Variants in CRLF2 observed in about 807,000 individuals in gnomAD.
CRLF2 encodes cytokine receptor like factor 2, also known as cytokine receptor-like factor 2.
Under a neutral mutation model 38.7 loss-of-function variants are expected in CRLF2, and 41 were observed. The observed-to-expected ratio is 1.06, with a 90% CI of 0.83 to 1.37. The LOEUF (loss-of-function observed/expected upper bound fraction) is 1.37. Ranked by LOEUF, CRLF2 falls within the 40% of genes most tolerant of loss-of-function variation. CRLF2 has a pLI of 0.00. For missense variants in CRLF2, 377 were observed against 322.2 expected, an observed-to-expected ratio of 1.17 and a Z score of -1.30; for synonymous variants, 140 against 128.8, an observed-to-expected ratio of 1.09 and a Z score of -0.59.
At chrX:1,198,191 GGC>G in intron 5 of CRLF2, among the ~76,000 whole-genome samples, 4 of 129,518 alleles carry the variant, frequency 3.1e-5, no homozygotes, top group Admixed American at 7.6e-5. Flanking sequence ...CTCCCAGGAA[GGC>G]AGGACACCCT....
rs1414242106 is a variant in CRLF2 at position 1,212,610 on chromosome X, C to T, written c.25G>A (p.Gly9Arg). 7 of 1,612,538 alleles carry T rather than the reference C, an allele frequency of 4.3e-6. No homozygotes were observed. The highest frequency in any genetic ancestry group is 5.9e-6 in the Non-Finnish European group (7 of 1,179,264). The change falls in exon 1 of 8, where the codon GGA becomes AGA. Residue 9 changes from glycine to arginine, a missense_variant. Transcript: ENST00000400841. The stretch of plus-strand genomic sequence containing the variant: ...CCTCCCAGCAGAAAGACGGCAGCTC[C>T]CCACAGCAGAACCAGCCGCCCCATG... MGRLVLLW[G>R]AAVFLLGGWM...
intron 3 of CRLF2, among the ~76,000 whole-genome samples, chrX:1,206,126 G>T: frequency 6.6e-6 from 1 of 152,028 alleles, no homozygotes; most frequent in Non-Finnish European, 1.5e-5. Flanking sequence ...CGGTAATCAT[G>T]GATCCGACGA....
At position 1,196,741 on chromosome X, in the gene CRLF2, C is replaced by G. The variant is rs376608081; in HGVS notation, c.767+39G>C. 108 of 1,607,152 alleles carry G rather than the reference C, an allele frequency of 6.7e-5. 1 individual carries two copies. Among genetic ancestry groups the G allele is most frequent in the Middle Eastern group, 3.5e-4 (2 of 5,754 alleles). ...TCGTACTTCACAGACATTGTGCAAG[C>G]AGGTCCCTCCACCCACGGGCGGCAG... On this transcript the variant is annotated intron_variant, in intron 6 of 7. Transcript: ENST00000400841.
At chrX:1,211,337 GTGGGTGGA>G (rs1321139962) in intron 1 of CRLF2, among the ~76,000 whole-genome samples, 24 of 101,822 alleles carry the variant, frequency 2.4e-4, no homozygotes, top group Non-Finnish European at 3.6e-4. Context: ...GGATGTATTG[GTGGGTGGA>G]TGGGTGGATG....
At position 1,196,843 on chromosome X, in the gene CRLF2, A is replaced by G. The variant is rs2086486879; in HGVS notation, c.704T>C (p.Ile235Thr). The G allele has an allele frequency of 1.9e-6, 3 of 1,613,562 alleles. No individual in the cohort carries two copies. Among genetic ancestry groups the G allele is most frequent in the African/African-American group, 1.3e-5 (1 of 74,896 alleles). ...CATCAGAAGGATGGCCAGGCTGGAA[A>G]TTAAAATAAATTTGGACAGCTTTGG... ...PKPKLSKFIL[I>T]SSLAILLMVS... The change falls in exon 6 of 8, where the codon ATT becomes ACT. Residue 235 changes from isoleucine to threonine, a missense_variant. By Grantham distance (89) the Ile-to-Thr change is moderately conservative. Transcript: ENST00000400841.
chrX:1,192,572 A>C (rs1415301202), intron 7 of CRLF2, among the ~76,000 whole-genome samples: 3 of 151,692 alleles, frequency 2.0e-5, no homozygotes, highest in Non-Finnish European at 2.9e-5. Flanking sequence ...GCCGAGATCA[A>C]ACCATTTTTC....
chrX:1,205,136 T>C (rs2086669982), intron 3 of CRLF2, among the ~76,000 whole-genome samples: 1 of 151,686 alleles, frequency 6.6e-6, no homozygotes, highest in Non-Finnish European at 1.5e-5. Flanking sequence ...CTTTAATTCA[T>C]TCCCTTAAAT....
At chrX:1,207,389 G>A (rs2086710074) in intron 2 of CRLF2, among the ~76,000 whole-genome samples, 1 of 151,922 alleles carries the variant, frequency 6.6e-6, no homozygotes, top group Non-Finnish European at 1.5e-5. Context: ...CCAAGTTGCT[G>A]GGATTACAGG....
Position 1,191,150 on chromosome X carries a change from G to C in CRLF2, c.863C>G (p.Thr288Arg). ...IHQGNFQEWI[T>R]DTQNVAHLHK... ...GAGGTGGGCCACGTTCTGGGTGTCTGTGATCCACTCCTACCAGGAAGAACA... is the reference window on the plus strand; with the variant it reads ...GAGGTGGGCCACGTTCTGGGTGTCTCTGATCCACTCCTACCAGGAAGAACA... The change falls in exon 8 of 8, where the codon ACA becomes AGA. Residue 288 changes from threonine (T) to arginine (R), a missense_variant. Coordinates refer to ENST00000400841, the MANE Select transcript of CRLF2 (RefSeq NM_022148.4). 1 of 398,736 alleles carries C rather than the reference G, an allele frequency of 2.5e-6. No individual in the cohort carries two copies. The highest frequency in any genetic ancestry group is 3.6e-5 in the East Asian group (1 of 28,072). 24.7% of individuals were successfully genotyped at this position (398,736 alleles called of 1,614,324 possible).
At position 1,197,647 on chromosome X, in the gene CRLF2, C is replaced by T. The variant is rs183264124; in HGVS notation, c.647-747G>A. Among the ~76,000 whole-genome samples the T allele has an allele frequency of 4.2e-4, 64 of 151,896 alleles. 1 individual carries two copies. The highest frequency in any genetic ancestry group is 3.4e-3 in the Middle Eastern group (1 of 294). Reference sequence around the variant, plus strand: ...TGGCCAATATGGGGAAACGCCATCCCTACTAAAAATACAAACATTAGGCGG... The same window carrying T: ...TGGCCAATATGGGGAAACGCCATCCTTACTAAAAATACAAACATTAGGCGG... On this transcript the variant is annotated intron_variant, in intron 5 of 7. Coordinates refer to ENST00000400841, the MANE Select transcript of CRLF2 (RefSeq NM_022148.4).
intron 3 of CRLF2, among the ~76,000 whole-genome samples, chrX:1,202,738 T>G (rs1238852159): frequency 1.3e-5 from 2 of 152,030 alleles, no homozygotes; most frequent in African/African-American, 4.8e-5. Context: ...GAAGGAACTC[T>G]CTAAAATTCT....
In CRLF2 at chrX:1,208,887, A is replaced by G. The variant is rs2086737871; in HGVS notation, c.101T>C (p.Ile34Thr). Reference sequence around the variant, plus strand: ...CACGGTTTCTAAATTGAAGTAGATGATCTGAATCTGTACTCCTTCTGCTAG... The same window carrying G: ...CACGGTTTCTAAATTGAAGTAGATGGTCTGAATCTGTACTCCTTCTGCTAG... ...GGAAEGVQIQ[I>T]IYFNLETVQV... The change falls in exon 2 of 8, where the codon ATC (isoleucine) becomes ACC (threonine). Residue 34 changes from isoleucine (I) to threonine (T), a missense_variant. Transcript: ENST00000400841. 6.2e-7 allele frequency: 1 copy of G among 1,606,106 alleles called. No homozygotes were observed. Among genetic ancestry groups the G allele is most frequent in the Non-Finnish European group, 8.5e-7 (1 of 1,172,822 alleles).
Position 1,202,475 on chromosome X carries a change from G to A in CRLF2, c.410C>T (p.Thr137Met), listed in dbSNP as rs1348679931. 9.3e-6 allele frequency: 15 copies of A among 1,613,668 alleles called. No individual in the cohort carries two copies. Among genetic ancestry groups the A allele is most frequent in the Non-Finnish European group, 1.1e-5 (13 of 1,179,636 alleles). ...ATCCCCGTAGGACAGGTCAGAACAC[G>A]TCACCGTCACTGCATCCTGATGCCA... ...FSWHQDAVTVTCSDLSYGDLL... is the reference protein window; with the variant it reads ...FSWHQDAVTVMCSDLSYGDLL... The change falls in exon 4 of 8, where the codon ACG becomes ATG. Residue 137 changes from threonine (T) to methionine (M), a missense_variant. By Grantham distance (81) the Thr-to-Met change is moderately conservative. Transcript: ENST00000400841.
chrX:1,209,802 A>G (rs1420187274), intron 1 of CRLF2, among the ~76,000 whole-genome samples: 2 of 151,876 alleles, frequency 1.3e-5, no homozygotes, highest in African/African-American at 4.8e-5. Flanking sequence ...CACCACACAC[A>G]CCAACTTCAG....
chrX:1,206,388 A>T, intron 3 of CRLF2, 45 bp downstream of exon 3: 1 of 1,555,656 alleles, frequency 6.4e-7, no homozygotes, highest in Non-Finnish European at 8.9e-7. Context: ...TAATAAGCTG[A>T]AGGAAGTACT....
intron 3 of CRLF2, among the ~76,000 whole-genome samples, chrX:1,203,063 C>A (rs2086636219): frequency 7.1e-6 from 1 of 140,232 alleles, no homozygotes. Context: ...GAACCACTGC[C>A]CTCCAGCCTG....
chrX:1,202,276 C>T, intron 4 of CRLF2, 126 bp downstream of exon 4: 2 of 1,119,000 alleles, frequency 1.8e-6, no homozygotes, highest in Non-Finnish European at 2.6e-6. Flanking sequence ...CAGGAAGATA[C>T]AGCAGAGTGG....
Position 1,206,493 on chromosome X carries a change from AAT to A in CRLF2, c.287_288del (p.Tyr96PhefsTer44). The part of the protein sequence containing the change: ...LDAEQRDDIL[Y>X]FSIRNGTHPV... ...GGGTGCGTCCCATTCCTGATGGAGA[AAT>A]AGAGAATGTCGTCTCGCTGCTCTGC... On this transcript the variant is annotated frameshift_variant, in exon 3 of 8. Transcript: ENST00000400841. LOFTEE classifies it high-confidence loss of function. 1 of 1,613,606 alleles carries A rather than the reference AAT, an allele frequency of 6.2e-7. No homozygotes were observed. Among genetic ancestry groups the A allele is most frequent in the Non-Finnish European group, 8.5e-7 (1 of 1,179,620 alleles).
At position 1,190,718 on chromosome X, in the gene CRLF2, A is replaced by C; in HGVS notation, c.*179T>G. On this transcript the variant is annotated 3_prime_UTR_variant, in exon 8 of 8. Transcript: ENST00000400841. ...TTGAACACAGAGACTCATGTGGGGG[A>C]AAGTTAGCAGGGCAGTGGCCGCATT... is the stretch of plus-strand genomic sequence containing the variant. 2.5e-6 allele frequency: 1 copy of C among 397,654 alleles called. No individual in the cohort carries two copies. The highest frequency in any genetic ancestry group is 4.4e-6 in the Non-Finnish European group (1 of 226,046). 24.6% of individuals were successfully genotyped at this position (397,654 alleles called of 1,614,324 possible).
Sources: allele counts gnomAD v4.1 joint callset (sites outside exome capture counted in the v4.1 genomes callset), GRCh38; gene constraint gnomAD v4.1.1; transcripts MANE v1.5; gene names NCBI Gene and HGNC (gene_info 2026-07-23, HGNC 2026-07-21).